Variants in COBL observed in about 807,000 individuals in gnomAD.
The protein encoded by COBL is cordon-bleu WH2 repeat protein.
Under a neutral mutation model 98.8 loss-of-function variants are expected in COBL, and 51 were observed. The ratio of observed to expected loss-of-function variants is 0.52; its 90% CI spans 0.41 to 0.65. The LOEUF (loss-of-function observed/expected upper bound fraction) is 0.65, where lower values mean the gene tolerates loss of function less well. Among genes scored for constraint, COBL ranks in the 30% least tolerant of loss-of-function variants. The probability of loss-of-function intolerance (pLI) is 0.00; values close to 1 mark genes in which losing one functional copy is unlikely to be tolerated. For missense variants in COBL, 1,617 were observed against 1,617.5 expected (o/e 1.00, Z 0.01); for synonymous variants, 634 against 651.7 (o/e 0.97, Z 0.41).
At chr7:51,086,937 C>T (rs577578892) in intron 6 of COBL, among the ~76,000 whole-genome samples, 20 of 151,810 alleles carry the variant, frequency 1.3e-4, no homozygotes, top group African/African-American at 4.8e-4. Flanking sequence ...GAGTCAAAAC[C>T]AGCAATTTAT....
At chr7:51,111,028 CTTCT>C (rs533161125) in intron 6 of COBL, among the ~76,000 whole-genome samples, 1 of 152,156 alleles carries the variant, frequency 6.6e-6, no homozygotes, top group Non-Finnish European at 1.5e-5. Context: ...CGAATAATGA[CTTCT>C]TTTCCTCTGG....
intron 1 of COBL, among the ~76,000 whole-genome samples, chr7:51,288,509 T>C (rs762666059): frequency 1.3e-5 from 2 of 151,676 alleles, no homozygotes; most frequent in African/African-American, 4.9e-5. Flanking sequence ...TCCCAGCACT[T>C]TGTGAGGCCG....
At chr7:51,297,374 T>G (rs1801508045) in intron 1 of COBL, among the ~76,000 whole-genome samples, 1 of 151,156 alleles carries the variant, frequency 6.6e-6, no homozygotes, top group Non-Finnish European at 1.5e-5. Context: ...TAAGCTAAGT[T>G]TCATCATTTT....
At chr7:51,061,230 TTG>T (rs560124356) in intron 7 of COBL, among the ~76,000 whole-genome samples, 8 of 151,254 alleles carry the variant, frequency 5.3e-5, no homozygotes, top group Non-Finnish European at 8.9e-5. Context: ...AAGAATATGT[TTG>T]TGTGTGTGTG....
At chr7:51,074,105 G>C (rs9691771) in intron 7 of COBL, among the ~76,000 whole-genome samples, 35,685 of 151,282 alleles carry the variant, frequency 0.24, 4,497 homozygotes, top group African/African-American at 0.33. Flanking sequence ...AACCTCCTGA[G>C]ACAAACAGTT....
intron 2 of COBL, among the ~76,000 whole-genome samples, chr7:51,217,296 G>C (rs977508611): frequency 6.6e-6 from 1 of 150,696 alleles, no homozygotes; most frequent in Admixed American, 6.6e-5. Context: ...TCCATGGACT[G>C]CAGAATTAAG....
intron 8 of COBL, among the ~76,000 whole-genome samples, chr7:51,041,943 G>A (rs1288509827): frequency 6.6e-6 from 1 of 152,180 alleles, no homozygotes; most frequent in African/African-American, 2.4e-5. Context: ...TACAGAGATG[G>A]ACAAATACAC....
At chr7:51,095,654 T>C (rs900529934) in intron 6 of COBL, among the ~76,000 whole-genome samples, 19 of 152,226 alleles carry the variant, frequency 1.2e-4, no homozygotes, top group African/African-American at 4.6e-4. Flanking sequence ...AGATTCACTC[T>C]GGATATAAGG....
intron 8 of COBL, among the ~76,000 whole-genome samples, chr7:51,042,150 G>A (rs1429415868): frequency 6.6e-6 from 1 of 152,022 alleles, no homozygotes; most frequent in Non-Finnish European, 1.5e-5. Flanking sequence ...AGTCTTTTAG[G>A]GTACGGGAAG....
chr7:51,302,975 C>T (rs896502174), intron 1 of COBL, among the ~76,000 whole-genome samples: 3 of 152,146 alleles, frequency 2.0e-5, no homozygotes, highest in African/African-American at 7.2e-5. Context: ...CTTCCCAACG[C>T]AATGCTGCAA....
intron 6 of COBL, among the ~76,000 whole-genome samples, chr7:51,114,586 A>G (rs1480845463): frequency 2.0e-5 from 3 of 152,136 alleles, no homozygotes; most frequent in Admixed American, 2.0e-4. Context: ...TACAGAAATG[A>G]TGTATCTGCC....
At chr7:51,023,510 C>T (rs932075392) in intron 12 of COBL, among the ~76,000 whole-genome samples, 1 of 152,298 alleles carries the variant, frequency 6.6e-6, no homozygotes, top group East Asian at 1.9e-4. Flanking sequence ...CTCTGGGGAG[C>T]TGACCCAAGA....
intron 1 of COBL, among the ~76,000 whole-genome samples, chr7:51,244,520 T>A (rs1796113284): frequency 6.6e-6 from 1 of 152,196 alleles, no homozygotes; most frequent in Non-Finnish European, 1.5e-5. Flanking sequence ...GATGCTGCCA[T>A]TTGACAATAC....
At chr7:51,062,990 A>G (rs1791536707) in intron 7 of COBL, among the ~76,000 whole-genome samples, 1 of 152,192 alleles carries the variant, frequency 6.6e-6, no homozygotes, top group African/African-American at 2.4e-5. Context: ...CAGGCACTTC[A>G]TTTTTATAAG....
chr7:51,237,388 ATATTACATTG>A (rs1795357148), intron 1 of COBL, among the ~76,000 whole-genome samples: 1 of 152,240 alleles, frequency 6.6e-6, no homozygotes, highest in African/African-American at 2.4e-5. Context: ...GTTGAAAATA[ATATTACATTG>A]TAACTTTACT....
At chr7:51,273,684 G>A (rs923982498) in intron 1 of COBL, among the ~76,000 whole-genome samples, 23 of 152,098 alleles carry the variant, frequency 1.5e-4, no homozygotes, top group African/African-American at 5.6e-4. Context: ...GATCTATCTG[G>A]CATTTAAAAC....
chr7:51,119,510 T>C (rs1797565549), intron 6 of COBL, among the ~76,000 whole-genome samples: 1 of 152,180 alleles, frequency 6.6e-6, no homozygotes, highest in Non-Finnish European at 1.5e-5. Context: ...TTCAAGGCCC[T>C]TTTCCTCTAA....
At chr7:51,183,548 T>A (rs1157675806) in intron 5 of COBL, among the ~76,000 whole-genome samples, 1 of 152,148 alleles carries the variant, frequency 6.6e-6, no homozygotes, top group African/African-American at 2.4e-5. Flanking sequence ...TGAGATGTGT[T>A]TCATAAACAC....
At chr7:51,084,591 A>G (rs1794020108) in intron 7 of COBL, among the ~76,000 whole-genome samples, 1 of 152,142 alleles carries the variant, frequency 6.6e-6, no homozygotes, top group South Asian at 2.1e-4. Flanking sequence ...GGCTATGATG[A>G]TCTAATAGGT....
Sources: allele counts gnomAD v4.1 joint callset (sites outside exome capture counted in the v4.1 genomes callset), GRCh38; gene constraint gnomAD v4.1.1; transcripts MANE v1.5; gene names NCBI Gene and HGNC (gene_info 2026-07-23, HGNC 2026-07-21).